ABHD14B: variants seen among roughly 807,000 people sequenced by gnomAD.
ABHD14B encodes putative protein-lysine deacylase ABHD14B.
A neutral mutation model predicts 15.4 loss-of-function variants in ABHD14B; 19 were observed. The ratio of observed to expected loss-of-function variants is 1.23; its 90% CI spans 0.86 to 1.81. The LOEUF (loss-of-function observed/expected upper bound fraction) is 1.81, where lower values mean the gene tolerates loss of function less well. ABHD14B is among the 40% of genes most tolerant of loss of function. The probability of loss-of-function intolerance (pLI) is 0.00; values close to 1 mark genes in which losing one functional copy is unlikely to be tolerated. For missense variants in ABHD14B, 243 were observed against 267.0 expected (o/e 0.91, Z 0.63); for synonymous variants, 92 against 117.3 (o/e 0.78, Z 1.39).
At position 51,968,728 on chromosome 3, in the gene ABHD14B, G is replaced by A. The variant is rs1159859262; in HGVS notation, c.*698C>T. The A allele has an allele frequency of 6.6e-6, 1 of 152,270 alleles. No individual in the cohort carries two copies. The highest frequency in any genetic ancestry group is 1.5e-5 in the Non-Finnish European group (1 of 68,080). 9.4% of individuals were successfully genotyped at this position (152,270 alleles called of 1,614,324 possible). A position where few individuals can be genotyped will look rare whatever the true frequency, so the allele number is the denominator to read the frequency against. Reference sequence around the variant, plus strand: ...GCCAGCTGAAACCTGTGTCCAAGTAGCTTTCAGGGCTGGCCACACCCTAAG... The same window carrying A: ...GCCAGCTGAAACCTGTGTCCAAGTAACTTTCAGGGCTGGCCACACCCTAAG... On this transcript the variant is annotated 3_prime_UTR_variant, in exon 4 of 4. Coordinates refer to ENST00000361143, the MANE Select transcript of ABHD14B (RefSeq NM_001146314.2).
chr3:51,974,084 C>G (rs778882234), upstream of ABHD14B: 1 of 1,276,798 alleles, frequency 7.8e-7, no homozygotes, highest in African/African-American at 1.5e-5. Flanking sequence ...GGGACTGGGC[C>G]GTGCTCCGGG....
In ABHD14B at chr3:51,970,578, T is replaced by C. The variant is rs761834628; in HGVS notation, c.212-394A>G. The stretch of plus-strand genomic sequence containing the variant: ...CAAAAGTATCTGCCATTTAAGATTG[T>C]TGTGAAAATTAACTGTGTGAAAGGC... On this transcript the variant is annotated intron_variant, in intron 2 of 3. Coordinates refer to ENST00000361143, the MANE Select transcript of ABHD14B (RefSeq NM_001146314.2). 155 of 476,964 alleles carry C rather than the reference T, an allele frequency of 3.2e-4. 1 individual carries two copies. Among genetic ancestry groups the C allele is most frequent in the Non-Finnish European group, 6.2e-4 (149 of 240,906 alleles). The allele number at this position is 476,964 out of a possible 1,614,324, so 29.5% of individuals were successfully genotyped here. A position where few individuals can be genotyped will look rare whatever the true frequency, so the allele number is the denominator to read the frequency against.
rs1700603203 is a variant in ABHD14B at position 51,969,343 on chromosome 3, C to T, written c.*83G>A. ...GACGCACCTGTTGCATGTGCATGAG[C>T]CAGAGCCTGGGAGAGAAGAGAGAGC... On this transcript the variant is annotated 3_prime_UTR_variant, in exon 4 of 4. Coordinates refer to ENST00000361143, the MANE Select transcript of ABHD14B (RefSeq NM_001146314.2). 1.5e-5 allele frequency: 22 copies of T among 1,472,978 alleles called. No individual in the cohort carries two copies. Among genetic ancestry groups the T allele is most frequent in the Non-Finnish European group, 2.0e-5 (22 of 1,093,692 alleles). 91.2% of individuals were successfully genotyped at this position (1,472,978 alleles called of 1,614,324 possible).
intron 3 of ABHD14B, 151 bp from the exon 4 acceptor site, chr3:51,969,756 C>T (rs1033052204): frequency 1.2e-4 from 171 of 1,391,714 alleles, no homozygotes; most frequent in Non-Finnish European, 1.1e-4. Context: ...TTGGTGTCTG[C>T]CCCAGAACAC....
chr3:51,970,954 A>C (rs1700641779), intron 2 of ABHD14B, among the ~76,000 whole-genome samples: 1 of 152,202 alleles, frequency 6.6e-6, no homozygotes, highest in Non-Finnish European at 1.5e-5. Flanking sequence ...TGGGATCACA[A>C]GTGGGGGCCT....
intron 1 of ABHD14B, 48 bp from the exon 2 acceptor site, chr3:51,971,746 A>G: frequency 1.3e-6 from 2 of 1,551,002 alleles, no homozygotes; most frequent in Non-Finnish European, 1.7e-6. Flanking sequence ...CACCCTGCCC[A>G]GGGTGGCAGT....
Position 51,971,432 on chromosome 3 carries a change from C to T in ABHD14B, c.211+28G>A, listed in dbSNP as rs375070539. The T allele has an allele frequency of 3.4e-5, 52 of 1,528,726 alleles. No homozygotes were observed. The East Asian group carries it at 4.1e-4, about 12-fold the overall frequency. The allele number at this position is 1,528,726 out of a possible 1,614,324, so 94.7% of individuals were successfully genotyped here. Reference sequence around the variant, plus strand: ...TGTCCCTAATGAGACCTCCCCAAACCCTGCCCAGAAGCCTGCCCCTTAAGT... The same window carrying T: ...TGTCCCTAATGAGACCTCCCCAAACTCTGCCCAGAAGCCTGCCCCTTAAGT... On this transcript the variant is annotated intron_variant, in intron 2 of 3. Transcript: ENST00000361143.
In ABHD14B at chr3:51,968,640, G is replaced by A. The variant is rs1249547270; in HGVS notation, c.*786C>T. On this transcript the variant is annotated 3_prime_UTR_variant, in exon 4 of 4. Transcript: ENST00000361143. ...ACCTGAGGTGTAGAGCACCCAGAAG[G>A]AAGGGTAAAAGCAGGGGGCAAAGCG... 6.6e-6 allele frequency: 1 copy of A among 152,286 alleles called. No homozygotes were observed. The highest frequency in any genetic ancestry group is 1.5e-5 in the Non-Finnish European group (1 of 68,086). 9.4% of individuals were successfully genotyped at this position (152,286 alleles called of 1,614,324 possible).
At chr3:51,972,400 C>G (rs894596586) in intron 1 of ABHD14B, among the ~76,000 whole-genome samples, 1 of 151,164 alleles carries the variant, frequency 6.6e-6, no homozygotes, top group Non-Finnish European at 1.5e-5. Context: ...AGAAAGAAAC[C>G]CCATCTCTAC....
chr3:51,973,676 A>G (rs1700710528), intron 1 of ABHD14B: 4 of 411,098 alleles, frequency 9.7e-6, no homozygotes, highest in South Asian at 5.9e-5. Flanking sequence ...TCCACACCGG[A>G]AAGCCCATTT....
At chr3:51,970,301 G>T in intron 2 of ABHD14B, 117 bp from the exon 3 acceptor site, 2 of 1,358,780 alleles carry the variant, frequency 1.5e-6, no homozygotes, top group Non-Finnish European at 2.0e-6. Flanking sequence ...CCAGGTTCCT[G>T]TAACACCCAG....
chr3:51,968,963 T>C lies in ABHD14B; in HGVS notation c.*463A>G, dbSNP rs1700582800. 6.2e-6 allele frequency: 1 copy of C among 162,376 alleles called. No individual in the cohort carries two copies. Among genetic ancestry groups the C allele is most frequent in the African/African-American group, 2.4e-5 (1 of 41,586 alleles). The allele number at this position is 162,376 out of a possible 1,614,324, so 10.1% of individuals were successfully genotyped here. A position where few individuals can be genotyped will look rare whatever the true frequency, so the allele number is the denominator to read the frequency against. On this transcript the variant is annotated 3_prime_UTR_variant, in exon 4 of 4. Transcript: ENST00000361143. ...GCAGTTGCCCTCAAGCGAAGGGTCATATTTGGAAACAAGGATGGCTCTAAA... is the reference window on the plus strand; with the variant it reads ...GCAGTTGCCCTCAAGCGAAGGGTCACATTTGGAAACAAGGATGGCTCTAAA...
At position 51,969,400 on chromosome 3, in the gene ABHD14B, C is replaced by G. The variant is rs561132482; in HGVS notation, c.*26G>C. ...GAGAGAGCTCAGAGCAGGCAGGCAG[C>G]CCACCCCCTGCAGCAGTGCTGGGCT... On this transcript the variant is annotated 3_prime_UTR_variant, in exon 4 of 4. Coordinates refer to ENST00000361143, the MANE Select transcript of ABHD14B (RefSeq NM_001146314.2). 1.6e-5 allele frequency: 26 copies of G among 1,583,062 alleles called. No homozygotes were observed. In the East Asian group the frequency reaches 2.2e-4, roughly 14 times the overall value.
In ABHD14B at chr3:51,973,506, T is replaced by TTTTTTTTTTTC. The variant is rs1491243991; in HGVS notation, c.-29+458_-29+459insGAAAAAAAAAA. Among the ~76,000 whole-genome samples, 229 of 122,674 alleles carry TTTTTTTTTTTC rather than the reference T, an allele frequency of 1.9e-3. 1 individual carries two copies. Among genetic ancestry groups the TTTTTTTTTTTC allele is most frequent in the African/African-American group, 8.3e-3 (201 of 24,154 alleles). The allele number at this position is 122,674 out of a possible 152,430, so 80.5% of individuals were successfully genotyped here. A position where few individuals can be genotyped will look rare whatever the true frequency, so the allele number is the denominator to read the frequency against. ...GGAACTAAAAGCCCATTTTCTTCGGTTTTTTTTTTTTTCTTTTTTTTTTTT... is the reference window on the plus strand; with the variant it reads ...GGAACTAAAAGCCCATTTTCTTCGGTTTTTTTTTTTCTTTTTTTTTTTTCTTTTTTTTTTTT... On this transcript the variant is annotated intron_variant, in intron 1 of 3. Transcript: ENST00000361143.
intron 1 of ABHD14B, 62 bp from the exon 2 acceptor site, chr3:51,971,760 A>C: frequency 6.6e-7 from 1 of 1,520,724 alleles, no homozygotes; most frequent in Non-Finnish European, 8.8e-7. Flanking sequence ...TGGCAGTCCC[A>C]GAGGAGCAGC....
intron 2 of ABHD14B, chr3:51,970,483 G>A (rs1700634254): frequency 8.4e-6 from 5 of 598,568 alleles, no homozygotes; most frequent in Non-Finnish European, 1.6e-5. Context: ...TATTGTCTAT[G>A]TGACCTTGGG....
chr3:51,974,309 C>T (rs1049469612), upstream of ABHD14B: 4 of 339,840 alleles, frequency 1.2e-5, no homozygotes, highest in East Asian at 3.4e-4. Flanking sequence ...TGTCTTCCTG[C>T]TCCCCATCCC....
intron 1 of ABHD14B, among the ~76,000 whole-genome samples, chr3:51,972,894 T>G (rs1208988905): frequency 6.6e-6 from 1 of 152,180 alleles, no homozygotes; most frequent in Non-Finnish European, 1.5e-5. Flanking sequence ...TTATTTATTT[T>G]GGGACAGAGT....
rs960672219 is a variant in ABHD14B, at chr3:51,973,788, G to C, written c.-29+177C>G. The C allele has an allele frequency of 2.4e-6, 3 of 1,270,316 alleles. No individual in the cohort carries two copies. The South Asian group carries it at 3.7e-5, about 16-fold the overall frequency. The allele number at this position is 1,270,316 out of a possible 1,614,324, so 78.7% of individuals were successfully genotyped here. ...TGGGGCCCAACGCGTTGACCTCGCG[G>C]TCAGGTTGCTTCCGCGGACTACGGT... On this transcript the variant is annotated intron_variant, in intron 1 of 3. Transcript: ENST00000361143.
Sources: gnomAD v4.1 joint callset for allele counts (sites outside exome capture counted in the v4.1 genomes callset) on GRCh38, gnomAD v4.1.1 for gene constraint, MANE v1.5 for transcripts, NCBI Gene and HGNC (gene_info 2026-07-23, HGNC 2026-07-21) for gene names.